Variants in RBFOX1 observed in about 807,000 individuals in gnomAD.
The protein encoded by RBFOX1 is RNA binding protein fox-1 homolog 1.
RBFOX1 carries 8 observed loss-of-function variants against 57.7 expected under a neutral mutation model. The ratio of observed to expected loss-of-function variants is 0.14; its 90% CI spans 0.08 to 0.25. The LOEUF (loss-of-function observed/expected upper bound fraction) is 0.25, where lower values mean the gene tolerates loss of function less well. RBFOX1 is among the 10% of genes least tolerant of loss of function. RBFOX1 has a pLI of 1.00. For missense variants in RBFOX1, 611 were observed against 548.5 expected, an observed-to-expected ratio of 1.11 and a Z score of -1.14; for synonymous variants, 326 against 222.4, an observed-to-expected ratio of 1.47 and a Z score of -4.15.
chr16:7,138,394 C>A (rs1022387294), intron 4 of RBFOX1, among the ~76,000 whole-genome samples: 2 of 152,138 alleles, frequency 1.3e-5, no homozygotes, highest in Non-Finnish European at 2.9e-5. Context: ...ATGGGCAAGT[C>A]ATGTAACTTT....
At chr16:7,265,759 T>C (rs2095105780) in intron 4 of RBFOX1, among the ~76,000 whole-genome samples, 1 of 152,082 alleles carries the variant, frequency 6.6e-6, no homozygotes, top group Non-Finnish European at 1.5e-5. Flanking sequence ...AGGTGTCTTT[T>C]CTGATAAGGA....
chr16:6,279,358 C>A (rs1401471103), intron 1 of RBFOX1, among the ~76,000 whole-genome samples: 2 of 152,090 alleles, frequency 1.3e-5, no homozygotes, highest in Non-Finnish European at 2.9e-5. Flanking sequence ...TGGTGAAAAC[C>A]CTTTCTGCCT....
chr16:6,300,944 C>T lies in RBFOX1; in HGVS notation c.-126-16051C>T, dbSNP rs544962867. Among the ~76,000 whole-genome samples, 6 of 152,242 alleles carry T rather than the reference C, an allele frequency of 3.9e-5. No homozygotes were observed. In the South Asian group the frequency reaches 1.2e-3, roughly 32 times the overall value. On this transcript the variant is annotated intron_variant, in intron 1 of 15. Coordinates refer to ENST00000550418, the MANE Select transcript of RBFOX1 (RefSeq NM_018723.4). Reference sequence around the variant, plus strand: ...ATCCCTAACTGTACCTGGCATCATGCTTTGATGGTTTTCACAAAGTGGGAA... The same window carrying T: ...ATCCCTAACTGTACCTGGCATCATGTTTTGATGGTTTTCACAAAGTGGGAA...
At chr16:6,666,513 C>T (rs1295421451) in intron 3 of RBFOX1, among the ~76,000 whole-genome samples, 1 of 146,170 alleles carries the variant, frequency 6.8e-6, no homozygotes, top group Non-Finnish European at 1.5e-5. Context: ...GCACTCCAGC[C>T]TGGGTGACAG....
At chr16:7,451,894 A>G (rs1272966024) in intron 4 of RBFOX1, among the ~76,000 whole-genome samples, 1 of 152,112 alleles carries the variant, frequency 6.6e-6, no homozygotes, top group Non-Finnish European at 1.5e-5. Context: ...GCTCTGCTAT[A>G]ATTGTTGCAT....
intron 2 of RBFOX1, among the ~76,000 whole-genome samples, chr16:6,374,707 C>T (rs552419880): frequency 1.2e-4 from 19 of 152,240 alleles, no homozygotes; most frequent in East Asian, 9.7e-4. Flanking sequence ...GCTATAAGAA[C>T]GAAGAGACTG....
chr16:7,102,375 C>T (rs936644807), intron 4 of RBFOX1, among the ~76,000 whole-genome samples: 1 of 152,142 alleles, frequency 6.6e-6, no homozygotes. Flanking sequence ...TTAGAATTGT[C>T]TTTAGTGAAG....
chr16:6,306,050 C>T (rs556701544), intron 1 of RBFOX1, among the ~76,000 whole-genome samples: 4 of 152,196 alleles, frequency 2.6e-5, no homozygotes, highest in African/African-American at 4.8e-5. Context: ...ATATTTAAAG[C>T]GCGTTGGTTT....
chr16:7,330,507 TG>T (rs2096672863), intron 4 of RBFOX1, among the ~76,000 whole-genome samples: 1 of 76,590 alleles, frequency 1.3e-5, no homozygotes, highest in Non-Finnish European at 2.6e-5. Flanking sequence ...TGTGTGTGTG[TG>T]TTTGTGTGTG....
intron 3 of RBFOX1, among the ~76,000 whole-genome samples, chr16:5,788,872 C>T (rs930737757): frequency 6.6e-6 from 1 of 152,062 alleles, no homozygotes; most frequent in Non-Finnish European, 1.5e-5. Flanking sequence ...CAATTCAGAC[C>T]TGTGAAAAGC....
intron 3 of RBFOX1, among the ~76,000 whole-genome samples, chr16:7,002,956 G>T (rs1356818653): frequency 2.0e-5 from 3 of 151,962 alleles, no homozygotes; most frequent in African/African-American, 4.8e-5. Context: ...TAGGAAAGGC[G>T]ATGAGGTCAA....
chr16:6,993,543 C>T (rs1386430632), intron 3 of RBFOX1, among the ~76,000 whole-genome samples: 1 of 152,086 alleles, frequency 6.6e-6, no homozygotes, highest in East Asian at 1.9e-4. Flanking sequence ...GTCCTTTCCC[C>T]TTTGTAATTT....
chr16:6,368,307 C>G (rs74007307), intron 2 of RBFOX1, among the ~76,000 whole-genome samples: 8,353 of 152,230 alleles, frequency 0.055, 758 homozygotes, highest in African/African-American at 0.19. Context: ...CTCAGCCTGC[C>G]CCAAACCCCA....
chr16:5,311,509 T>C (rs537456383), intron 1 of RBFOX1, among the ~76,000 whole-genome samples: 1 of 152,320 alleles, frequency 6.6e-6, no homozygotes, highest in South Asian at 2.1e-4. Flanking sequence ...TAATTTACTT[T>C]CCCACCAGCA....
chr16:6,855,547 G>C (rs1239949373), intron 3 of RBFOX1, among the ~76,000 whole-genome samples: 1 of 151,616 alleles, frequency 6.6e-6, no homozygotes, highest in Non-Finnish European at 1.5e-5. Context: ...CAGCTACTGG[G>C]GAGGCTGAGG....
intron 3 of RBFOX1, among the ~76,000 whole-genome samples, chr16:6,816,462 C>A (rs1229727063): frequency 1.3e-5 from 2 of 148,968 alleles, no homozygotes; most frequent in Non-Finnish European, 3.0e-5. Flanking sequence ...GTCTTGTTGG[C>A]CGGGTGTGGT....
chr16:5,560,444 G>A (rs946413965), intron 2 of RBFOX1, among the ~76,000 whole-genome samples: 2 of 152,104 alleles, frequency 1.3e-5, no homozygotes, highest in Non-Finnish European at 2.9e-5. Flanking sequence ...GCACTCCGGT[G>A]TTATTACACT....
At chr16:5,828,482 G>A (rs892977902) in intron 3 of RBFOX1, among the ~76,000 whole-genome samples, 12 of 151,982 alleles carry the variant, frequency 7.9e-5, no homozygotes, top group African/African-American at 2.7e-4. Context: ...GGCGGATCGC[G>A]AGGTCAATAG....
At chr16:5,411,619 G>C (rs552918965) in intron 1 of RBFOX1, among the ~76,000 whole-genome samples, 2 of 152,138 alleles carry the variant, frequency 1.3e-5, no homozygotes, top group Non-Finnish European at 2.9e-5. Context: ...ATTAGTAGTT[G>C]GCCGGGTGCA....
Sources: allele counts gnomAD v4.1 joint callset (sites outside exome capture counted in the v4.1 genomes callset), GRCh38; gene constraint gnomAD v4.1.1; transcripts MANE v1.5; gene names NCBI Gene and HGNC (gene_info 2026-07-23, HGNC 2026-07-21).